The following PEBP4 variants were observed in gnomAD, a reference collection of about 807,000 sequenced individuals.
The protein encoded by PEBP4 is phosphatidylethanolamine-binding protein 4.
In PEBP4, 22 loss-of-function variants were observed where a neutral mutation model predicts 23.9. That is an observed-to-expected ratio of 0.92 (90% CI 0.66 to 1.31). PEBP4 has a LOEUF of 1.31. PEBP4 is among the 40% of genes most tolerant of loss of function. PEBP4 has a pLI of 0.00. For synonymous variants in PEBP4, 112 were observed against 99.3 expected, an observed-to-expected ratio of 1.13 and a Z score of -0.76; for missense variants, 324 against 281.7, an observed-to-expected ratio of 1.15 and a Z score of -1.07.
intron 2 of PEBP4, among the ~76,000 whole-genome samples, chr8:22,921,767 T>C (rs766698938): frequency 6.6e-6 from 1 of 152,240 alleles, no homozygotes; most frequent in Non-Finnish European, 1.5e-5. Flanking sequence ...TCACAGCTTT[T>C]GGAGAAGTTT....
chr8:22,714,589 G>A (rs931542891), intron 6 of PEBP4, among the ~76,000 whole-genome samples: 5 of 151,886 alleles, frequency 3.3e-5, no homozygotes, highest in Non-Finnish European at 5.9e-5. Flanking sequence ...TGGAGAGAGA[G>A]TGCCTGGGGA....
At position 22,713,496 on chromosome 8, in the gene PEBP4, C is replaced by T. The variant is rs767063630; in HGVS notation, c.558G>A (p.Leu186=). ...ACTGGGTGCTTGCTTCAGGTTCGCCCAGGTGGAAACGGTTCAGAAATCTGT... is the reference window on the plus strand; with the variant it reads ...ACTGGGTGCTTGCTTCAGGTTCGCCTAGGTGGAAACGGTTCAGAAATCTGT... ...KMDRFLNRFH[L]GEPEASTQFM... is the part of the protein sequence containing the mutation. Residue 186 remains leucine (L), a synonymous_variant, in exon 7 of 7, where the codon CTG becomes CTA. Transcript: ENST00000256404. 6.2e-6 allele frequency: 10 copies of T among 1,614,018 alleles called. No homozygotes were observed. Among genetic ancestry groups the T allele is most frequent in the Non-Finnish European group, 8.5e-6 (10 of 1,180,018 alleles).
At chr8:22,863,716 GT>G (rs1156900964) in intron 3 of PEBP4, among the ~76,000 whole-genome samples, 1 of 152,142 alleles carries the variant, frequency 6.6e-6, no homozygotes, top group Non-Finnish European at 1.5e-5. Flanking sequence ...CAGAGGGTGG[GT>G]CTCTGCCCTC....
chr8:22,834,935 C>T (rs1585298661), intron 3 of PEBP4, among the ~76,000 whole-genome samples: 2 of 152,320 alleles, frequency 1.3e-5, no homozygotes, highest in South Asian at 4.1e-4. Context: ...TGTTGCATGA[C>T]ACAAACCAAC....
intron 1 of PEBP4, among the ~76,000 whole-genome samples, chr8:22,936,018 G>GA (rs200742154): frequency 0.025 from 2,350 of 93,626 alleles, 46 homozygotes; most frequent in Admixed American, 0.066. Context: ...AGGAGCTAGG[G>GA]AAAAAAAAAA....
rs1239207360 is a variant in PEBP4 at position 22,775,534 on chromosome 8, G to A, written c.357+42103C>T. Among the ~76,000 whole-genome samples, 2 of 152,202 alleles carry A rather than the reference G, an allele frequency of 1.3e-5. No individual in the cohort carries two copies. Among genetic ancestry groups the A allele is most frequent in the African/African-American group, 2.4e-5 (1 of 41,452 alleles). Reference sequence around the variant, plus strand: ...TGGGTGGAATGGGGGAAGCCAGCTGGCTGTGGGCTCTATTTCTACTGACAA... The same window carrying A: ...TGGGTGGAATGGGGGAAGCCAGCTGACTGTGGGCTCTATTTCTACTGACAA... On this transcript the variant is annotated intron_variant, in intron 4 of 6. Coordinates refer to ENST00000256404, the MANE Select transcript of PEBP4 (RefSeq NM_144962.3). This position sits in a 1 kb window ranked among gnomAD's most constrained non-coding sequence, Gnocchi z 4.8.
chr8:22,751,270 C>T (rs1213467056), intron 4 of PEBP4, among the ~76,000 whole-genome samples: 1 of 152,100 alleles, frequency 6.6e-6, no homozygotes, highest in Non-Finnish European at 1.5e-5. Flanking sequence ...AGTCAGACAC[C>T]TAGAGATGCT....
intron 3 of PEBP4, among the ~76,000 whole-genome samples, chr8:22,913,864 G>T (rs2128779426): frequency 6.6e-6 from 1 of 151,864 alleles, no homozygotes; most frequent in South Asian, 2.1e-4. Flanking sequence ...AGGCTGAAGT[G>T]CAGTGGCACA....
At chr8:22,744,392 GC>G (rs1563201831) in intron 4 of PEBP4, among the ~76,000 whole-genome samples, 3 of 152,190 alleles carry the variant, frequency 2.0e-5, no homozygotes, top group Non-Finnish European at 4.4e-5. Context: ...GGAGCCACAG[GC>G]CACCATGACA....
At chr8:22,899,002 A>G (rs1024159531) in intron 3 of PEBP4, among the ~76,000 whole-genome samples, 1 of 152,196 alleles carries the variant, frequency 6.6e-6, no homozygotes, top group African/African-American at 2.4e-5. Flanking sequence ...TTGGCTAACT[A>G]AAGTCCATTG....
chr8:22,903,130 T>C (rs1808743844), intron 3 of PEBP4, among the ~76,000 whole-genome samples: 1 of 152,126 alleles, frequency 6.6e-6, no homozygotes, highest in South Asian at 2.1e-4. Context: ...GCAAGAAGAA[T>C]CACCCCGGAA....
intron 3 of PEBP4, among the ~76,000 whole-genome samples, chr8:22,834,855 G>A (rs2128764635): frequency 6.6e-6 from 1 of 152,264 alleles, no homozygotes; most frequent in African/African-American, 2.4e-5. Flanking sequence ...TTCTAAAGAT[G>A]ATAAAGCAAA....
At chr8:22,841,166 G>A (rs1369470389) in intron 3 of PEBP4, among the ~76,000 whole-genome samples, 1 of 152,230 alleles carries the variant, frequency 6.6e-6, no homozygotes, top group Non-Finnish European at 1.5e-5. Context: ...TGAGTAACTT[G>A]CCCAAGGGCA....
At chr8:22,836,885 A>C (rs1037283801) in intron 3 of PEBP4, among the ~76,000 whole-genome samples, 1 of 152,122 alleles carries the variant, frequency 6.6e-6, no homozygotes, top group Non-Finnish European at 1.5e-5. Flanking sequence ...ATGGAAGAGA[A>C]AGAAAAAAAA....
chr8:22,724,858 C>G lies in PEBP4; in HGVS notation c.502G>C (p.Glu168Gln). ...GAGGTCTTACCTCGAGTTTTGTTTT[C>G]CTTGGGAAGGAGAGAGATGACTTTT... ...EGKVISLLPKENKTRGSWKMD... is the reference protein window; with the variant it reads ...EGKVISLLPKQNKTRGSWKMD... Residue 168 changes from glutamate (E) to glutamine (Q), a missense_variant, in exon 6 of 7, where the codon GAA (glutamate) becomes CAA (glutamine). Physicochemically the swap from Glu to Gln is conservative, Grantham distance 29. Coordinates refer to ENST00000256404, the MANE Select transcript of PEBP4 (RefSeq NM_144962.3). 6.2e-7 allele frequency: 1 copy of G among 1,613,784 alleles called. No homozygotes were observed. Among genetic ancestry groups the G allele is most frequent in the Non-Finnish European group, 8.5e-7 (1 of 1,179,706 alleles).
At chr8:22,800,789 G>A (rs911141199) in intron 4 of PEBP4, among the ~76,000 whole-genome samples, 5 of 152,206 alleles carry the variant, frequency 3.3e-5, no homozygotes, top group Non-Finnish European at 7.3e-5. Context: ...CAGCAGACAT[G>A]CTTCTTGGAG....
intron 3 of PEBP4, among the ~76,000 whole-genome samples, chr8:22,850,702 A>G (rs1807533584): frequency 6.6e-6 from 1 of 152,154 alleles, no homozygotes; most frequent in Non-Finnish European, 1.5e-5. Context: ...CTTCCTCCCA[A>G]CATGGTTTGA....
chr8:22,762,025 C>T (rs1805518353), intron 4 of PEBP4, among the ~76,000 whole-genome samples: 1 of 151,904 alleles, frequency 6.6e-6, no homozygotes, highest in African/African-American at 2.4e-5. Flanking sequence ...TTCCAAACCC[C>T]AACTACTTTC....
intron 4 of PEBP4, among the ~76,000 whole-genome samples, chr8:22,776,421 C>T (rs1437398164): frequency 4.6e-5 from 7 of 151,982 alleles, no homozygotes; most frequent in African/African-American, 1.7e-4. Flanking sequence ...TTCCATGGTG[C>T]CTGGCATGTG....
Sources: gnomAD v4.1 joint callset for allele counts (sites outside exome capture counted in the v4.1 genomes callset) on GRCh38, gnomAD v4.1.1 for gene constraint, Gnocchi (gnomAD v3.1) non-coding constraint, MANE v1.5 for transcripts, NCBI Gene and HGNC (gene_info 2026-07-23, HGNC 2026-07-21) for gene names.